TNFSF4: variants seen among roughly 807,000 people sequenced by gnomAD.
TNFSF4 encodes the protein TNF superfamily member 4.
A neutral mutation model predicts 7.3 loss-of-function variants in TNFSF4; 4 were observed. The observed-to-expected ratio is 0.55, with a 90% CI of 0.27 to 1.25. The LOEUF is 1.25. Ranked by LOEUF, TNFSF4 falls within the 50% of genes most tolerant of loss-of-function variation. TNFSF4 has a pLI of 0.12. For synonymous variants in TNFSF4, 76 were observed against 83.7 expected, an observed-to-expected ratio of 0.91 and a Z score of 0.50; for missense variants, 181 against 208.8, an observed-to-expected ratio of 0.87 and a Z score of 0.82.
At chr1:173,228,204 C>T in the TNFSF4 span, among the ~76,000 whole-genome samples, 2 of 152,216 alleles carry the variant, frequency 1.3e-5, no homozygotes, top group Admixed American at 1.3e-4. Context: ...GCACCTCACA[C>T]AGCTGGGTAC....
At chr1:173,407,360 G>A in the TNFSF4 span, among the ~76,000 whole-genome samples, 1 of 152,060 alleles carries the variant, frequency 6.6e-6, no homozygotes, top group East Asian at 1.9e-4. Flanking sequence ...AATCACTTGA[G>A]ACCACCCTAG....
the TNFSF4 span, among the ~76,000 whole-genome samples, chr1:173,300,927 G>A: frequency 3.6e-4 from 50 of 138,116 alleles, no homozygotes; most frequent in African/African-American, 1.3e-3. Context: ...TGTCATTGTA[G>A]TTTTTATGAA....
the TNFSF4 span, among the ~76,000 whole-genome samples, chr1:173,250,935 G>A: frequency 2.0e-5 from 3 of 152,074 alleles, no homozygotes; most frequent in Non-Finnish European, 2.9e-5. Context: ...ATGCATAGGT[G>A]GCCTGACAAT....
the TNFSF4 span, among the ~76,000 whole-genome samples, chr1:173,412,045 G>C: frequency 1.3e-5 from 2 of 151,786 alleles, no homozygotes; most frequent in Middle Eastern, 3.4e-3. Context: ...GAACCTGGGA[G>C]GCGGAGGTTG....
the TNFSF4 span, among the ~76,000 whole-genome samples, chr1:173,347,181 A>C: frequency 6.6e-6 from 1 of 152,212 alleles, no homozygotes; most frequent in Non-Finnish European, 1.5e-5. Flanking sequence ...TATCTCCTTG[A>C]ATGATTCCAT....
chr1:173,254,540 T>A, the TNFSF4 span, among the ~76,000 whole-genome samples: 1 of 152,220 alleles, frequency 6.6e-6, no homozygotes, highest in African/African-American at 2.4e-5. Flanking sequence ...ATGTGGCGTT[T>A]AGCAAAGTGA....
chr1:173,241,800 C>T, the TNFSF4 span, among the ~76,000 whole-genome samples: 1 of 152,138 alleles, frequency 6.6e-6, no homozygotes. Context: ...ATGTGATTTG[C>T]TTGCTTGAAT....
chr1:173,375,741 G>T, the TNFSF4 span, among the ~76,000 whole-genome samples: 1 of 152,110 alleles, frequency 6.6e-6, no homozygotes, highest in Non-Finnish European at 1.5e-5. Flanking sequence ...AACATGCGAG[G>T]GGACAAATAA....
At chr1:173,242,738 G>A in the TNFSF4 span, among the ~76,000 whole-genome samples, 1 of 152,080 alleles carries the variant, frequency 6.6e-6, no homozygotes, top group African/African-American at 2.4e-5. Flanking sequence ...GATGGAGGGA[G>A]GAACCATGAG....
At chr1:173,277,451 C>T in the TNFSF4 span, among the ~76,000 whole-genome samples, 2 of 151,990 alleles carry the variant, frequency 1.3e-5, no homozygotes, top group Non-Finnish European at 2.9e-5. Flanking sequence ...CTAGGGTGTC[C>T]TCAGAACTTC....
the TNFSF4 span, among the ~76,000 whole-genome samples, chr1:173,378,404 C>T: frequency 1.3e-5 from 2 of 152,150 alleles, no homozygotes; most frequent in Non-Finnish European, 2.9e-5. Flanking sequence ...GAGAAACAAA[C>T]AAACCAAAAC....
the TNFSF4 span, among the ~76,000 whole-genome samples, chr1:173,347,300 A>G: frequency 2.6e-5 from 4 of 152,368 alleles, 1 homozygote; most frequent in South Asian, 6.2e-4. Flanking sequence ...AAAGAATCAG[A>G]GAGAGAACTC....
intron 1 of TNFSF4, among the ~76,000 whole-genome samples, chr1:173,197,143 C>T (rs1649737520): frequency 1.3e-5 from 2 of 152,148 alleles, no homozygotes; most frequent in African/African-American, 4.8e-5. Flanking sequence ...CTATTCTAGT[C>T]AGAATGGCCA....
At chr1:173,267,920 G>A in the TNFSF4 span, among the ~76,000 whole-genome samples, 1 of 151,494 alleles carries the variant, frequency 6.6e-6, no homozygotes, top group Non-Finnish European at 1.5e-5. Flanking sequence ...GAGAAGGAGA[G>A]GAAGTATTCC....
In TNFSF4 at chr1:173,186,597, A is replaced by ATTG; in HGVS notation, c.468_470dup (p.Asn157dup). ...TCACATGGAAGTCATCCAGGGAGGT[A>ATTG]TTGTCAGTGGTCACATTCAAGTAGA... On this transcript the variant is annotated inframe_insertion, in exon 3 of 3. Transcript: ENST00000281834. 6.2e-7 allele frequency: 1 copy of ATTG among 1,614,162 alleles called. No homozygotes were observed. The highest frequency in any genetic ancestry group is 1.7e-5 in the Admixed American group (1 of 60,014).
the TNFSF4 span, among the ~76,000 whole-genome samples, chr1:173,334,002 C>G: frequency 6.6e-6 from 1 of 152,008 alleles, no homozygotes; most frequent in Non-Finnish European, 1.5e-5. Flanking sequence ...GATCTTGAGA[C>G]TTGTCAGCCT....
chr1:173,309,926 G>A, the TNFSF4 span, among the ~76,000 whole-genome samples: 1 of 151,838 alleles, frequency 6.6e-6, no homozygotes, highest in South Asian at 2.1e-4. Context: ...TGTTAATAAT[G>A]TATCCTTTTC....
At chr1:173,268,909 C>A in the TNFSF4 span, among the ~76,000 whole-genome samples, 1 of 152,052 alleles carries the variant, frequency 6.6e-6, no homozygotes, top group East Asian at 1.9e-4. Flanking sequence ...ATATTATGCA[C>A]CTACCATATT....
chr1:173,240,457 T>C, the TNFSF4 span, among the ~76,000 whole-genome samples: 2 of 152,232 alleles, frequency 1.3e-5, no homozygotes, highest in Non-Finnish European at 2.9e-5. Context: ...AGTGCTATCC[T>C]GTTTCTCAAG....
Sources: allele counts gnomAD v4.1 joint callset (sites outside exome capture counted in the v4.1 genomes callset), GRCh38; gene constraint gnomAD v4.1.1; transcripts MANE v1.5; gene names NCBI Gene and HGNC (gene_info 2026-07-23, HGNC 2026-07-21).